The following KAZN variants were observed in gnomAD, a reference collection of about 807,000 sequenced individuals.
The protein encoded by KAZN is kazrin, periplakin interacting protein, also known as kazrin.
A neutral mutation model predicts 87.4 loss-of-function variants in KAZN; 40 were observed. The ratio of observed to expected loss-of-function variants is 0.46; its 90% CI spans 0.36 to 0.60. The LOEUF (loss-of-function observed/expected upper bound fraction) is 0.60. Ranked by LOEUF, KAZN falls within the 20% of genes least tolerant of loss-of-function variation. The pLI is 0.00. For synonymous variants in KAZN, 466 were observed against 458.3 expected (o/e 1.02, Z -0.22); for missense variants, 898 against 1,073.9 (o/e 0.84, Z 2.29).
intron 2 of KAZN, among the ~76,000 whole-genome samples, chr1:14,343,813 G>A (rs1322149448): frequency 3.9e-5 from 6 of 152,152 alleles, no homozygotes; most frequent in African/African-American, 1.4e-4. Context: ...CTTAACATGA[G>A]CGGGCAGCCT....
At chr1:14,825,657 T>A (rs1196438018) in intron 1 of KAZN, among the ~76,000 whole-genome samples, 1 of 152,190 alleles carries the variant, frequency 6.6e-6, no homozygotes, top group Non-Finnish European at 1.5e-5. Context: ...GGGACCACGT[T>A]GGGATTGGAA....
At chr1:14,310,698 G>A (rs111399975) in intron 2 of KAZN, among the ~76,000 whole-genome samples, 3,295 of 152,214 alleles carry the variant, frequency 0.022, 129 homozygotes, top group African/African-American at 0.075. Flanking sequence ...AGAGCGTTTC[G>A]TCTGTGCTTG....
intron 4 of KAZN, among the ~76,000 whole-genome samples, chr1:15,052,754 A>G (rs1193816544): frequency 6.6e-6 from 1 of 152,266 alleles, no homozygotes; most frequent in Non-Finnish European, 1.5e-5. Context: ...CAGAGTGGAC[A>G]GTTTATCCTT....
chr1:14,569,191 T>C (rs1057140960), intron 2 of KAZN, among the ~76,000 whole-genome samples: 4 of 152,162 alleles, frequency 2.6e-5, no homozygotes, highest in African/African-American at 9.7e-5. Context: ...TGGGAAAGGA[T>C]GTATTTAGAA....
chr1:14,311,530 G>A (rs1207246146), intron 2 of KAZN, among the ~76,000 whole-genome samples: 8 of 152,254 alleles, frequency 5.3e-5, no homozygotes, highest in African/African-American at 1.2e-4. Context: ...TAATCAGGAC[G>A]GCATCGTGGA....
At chr1:13,997,218 T>C (rs539646237) in intron 1 of KAZN, among the ~76,000 whole-genome samples, 2 of 152,082 alleles carry the variant, frequency 1.3e-5, no homozygotes, top group Non-Finnish European at 2.9e-5. Flanking sequence ...CCCATCCAAG[T>C]GTCAGCAGCC....
intron 14 of KAZN, chr1:15,112,912 G>T (rs546550043): frequency 1.2e-3 from 242 of 203,198 alleles, no homozygotes; most frequent in Admixed American, 1.9e-3. Flanking sequence ...TGCCCAGAGG[G>T]TTCCGGCGCA....
chr1:14,411,689 G>T (rs1253347856), intron 2 of KAZN, among the ~76,000 whole-genome samples: 1 of 152,124 alleles, frequency 6.6e-6, no homozygotes, highest in African/African-American at 2.4e-5. Context: ...CTAAAACCCA[G>T]AAAGACACAG....
intron 1 of KAZN, among the ~76,000 whole-genome samples, chr1:14,688,539 T>C (rs1472285979): frequency 1.3e-5 from 2 of 152,112 alleles, no homozygotes; most frequent in Non-Finnish European, 2.9e-5. Flanking sequence ...TATCAGGAAG[T>C]GGGTAATTAG....
At chr1:14,322,384 T>A (rs780996465) in intron 2 of KAZN, among the ~76,000 whole-genome samples, 1 of 152,212 alleles carries the variant, frequency 6.6e-6, no homozygotes, top group Non-Finnish European at 1.5e-5. Context: ...CTATTCACAC[T>A]TGAATACTAA....
At chr1:14,490,034 C>T (rs1212360599) in intron 2 of KAZN, among the ~76,000 whole-genome samples, 6 of 152,172 alleles carry the variant, frequency 3.9e-5, no homozygotes, top group Non-Finnish European at 1.5e-5. Flanking sequence ...CATGCCACTT[C>T]AAGCCACCAA....
chr1:14,359,564 T>G (rs1410357992), intron 2 of KAZN, among the ~76,000 whole-genome samples: 1 of 152,222 alleles, frequency 6.6e-6, no homozygotes, highest in East Asian at 1.9e-4. Context: ...GTTTTTGCAG[T>G]GGCTGGTACT....
At position 14,568,733 on chromosome 1, in the gene KAZN, C is replaced by A. The variant is rs900911092; in HGVS notation, c.250-30250C>A. Reference sequence around the variant, plus strand: ...CCTCTTGATACCCTGAGCAGAAAATCCAGCTGAGCTGTACCCAGGCTTCTG... The same window carrying A: ...CCTCTTGATACCCTGAGCAGAAAATACAGCTGAGCTGTACCCAGGCTTCTG... On this transcript the variant is annotated intron_variant, in intron 2 of 16. Transcript: ENST00000636203. Among the ~76,000 whole-genome samples the A allele has an allele frequency of 9.1e-4, 138 of 152,288 alleles. 5 individuals are homozygous for A. The highest frequency in any genetic ancestry group is 7.2e-4 in the Admixed American group (11 of 15,300).
intron 1 of KAZN, among the ~76,000 whole-genome samples, chr1:14,957,535 G>T (rs1050920575): frequency 2.0e-5 from 3 of 152,252 alleles, no homozygotes; most frequent in Admixed American, 2.0e-4. Context: ...CGCCGCTGGG[G>T]AGCGAGTGAG....
chr1:14,544,811 C>G (rs996118581), intron 2 of KAZN, among the ~76,000 whole-genome samples: 4 of 151,708 alleles, frequency 2.6e-5, no homozygotes, highest in African/African-American at 9.7e-5. Flanking sequence ...CTTGAGTGAT[C>G]CTCCTGCCTC....
At chr1:14,569,952 A>C (rs190673329) in intron 2 of KAZN, among the ~76,000 whole-genome samples, 1 of 152,066 alleles carries the variant, frequency 6.6e-6, no homozygotes, top group African/African-American at 2.4e-5. Context: ...TTCTACTAAA[A>C]ATACAAAAAA....
intron 1 of KAZN, among the ~76,000 whole-genome samples, chr1:14,637,637 G>A (rs1451009827): frequency 6.6e-6 from 1 of 152,082 alleles, no homozygotes; most frequent in Admixed American, 6.5e-5. Flanking sequence ...TGTGTGTGGG[G>A]GCGGGTGTTA....
chr1:14,087,274 T>C (rs1643879532), intron 1 of KAZN, among the ~76,000 whole-genome samples: 1 of 152,170 alleles, frequency 6.6e-6, no homozygotes, highest in African/African-American at 2.4e-5. Flanking sequence ...TCTTTGGCAA[T>C]ATATAGAAAT....
chr1:14,205,581 T>C (rs934482534), intron 2 of KAZN, among the ~76,000 whole-genome samples: 1 of 152,100 alleles, frequency 6.6e-6, no homozygotes, highest in Admixed American at 6.6e-5. Flanking sequence ...CACATCCTGT[T>C]GGTGAACACA....
Sources: allele counts gnomAD v4.1 joint callset (sites outside exome capture counted in the v4.1 genomes callset), GRCh38; gene constraint gnomAD v4.1.1; transcripts MANE v1.5; gene names NCBI Gene and HGNC (gene_info 2026-07-23, HGNC 2026-07-21).